The following NMNAT2 variants were observed in gnomAD, a reference collection of about 807,000 sequenced individuals.
The protein encoded by NMNAT2 is nicotinamide/nicotinic acid mononucleotide adenylyltransferase 2.
In NMNAT2, 11 loss-of-function variants were observed where a neutral mutation model predicts 41.6. The ratio of observed to expected loss-of-function variants is 0.26; its 90% CI spans 0.17 to 0.44. NMNAT2 has a LOEUF of 0.44. Among genes scored for constraint, NMNAT2 ranks in the 20% least tolerant of loss-of-function variants. The probability of loss-of-function intolerance (pLI) is 1.00; values close to 1 mark genes in which losing one functional copy is unlikely to be tolerated. For synonymous variants in NMNAT2, 148 were observed against 151.2 expected (o/e 0.98, Z 0.16); for missense variants, 288 against 407.7 (o/e 0.71, Z 2.53).
At position 183,341,725 on chromosome 1, in the gene NMNAT2, C is replaced by CAAAA. The variant is rs762935303; in HGVS notation, c.86-47936_86-47933dup. ...GAGGAAAAGACAAACAAACAAACAC[C>CAAAA]AAAAAAAAAAAAAAAAAAAAAACCT... is the stretch of plus-strand genomic sequence containing the variant. On this transcript the variant is annotated intron_variant, in intron 1 of 10. Transcript: ENST00000287713. Among the ~76,000 whole-genome samples the CAAAA allele has an allele frequency of 1.5e-3, 33 of 22,204 alleles. 5 individuals carry two copies. The highest frequency in any genetic ancestry group is 5.6e-3 in the South Asian group (2 of 360). 14.6% of individuals were successfully genotyped at this position (22,204 alleles called of 152,430 possible).
intron 1 of NMNAT2, among the ~76,000 whole-genome samples, chr1:183,399,885 A>G (rs1221938559): frequency 6.6e-6 from 1 of 152,192 alleles, no homozygotes; most frequent in East Asian, 1.9e-4. Context: ...AAAACTCTCA[A>G]TAAACTAGGT....
chr1:183,310,601 G>A (rs1485734949), intron 1 of NMNAT2, among the ~76,000 whole-genome samples: 2 of 152,206 alleles, frequency 1.3e-5, no homozygotes, highest in African/African-American at 4.8e-5. Flanking sequence ...AATGTCTAGA[G>A]ACATTTTTGG....
At chr1:183,318,023 G>T (rs975753938) in intron 1 of NMNAT2, among the ~76,000 whole-genome samples, 1 of 152,236 alleles carries the variant, frequency 6.6e-6, no homozygotes, top group Non-Finnish European at 1.5e-5. Context: ...ACGTCTGAGT[G>T]TCTATTATGT....
At chr1:183,403,464 A>G (rs1477827450) in intron 1 of NMNAT2, among the ~76,000 whole-genome samples, 2 of 144,922 alleles carry the variant, frequency 1.4e-5, no homozygotes, top group South Asian at 2.4e-4. Flanking sequence ...AAAAAATGGC[A>G]CTAAAACATC....
At chr1:183,311,019 G>A (rs1007088798) in intron 1 of NMNAT2, among the ~76,000 whole-genome samples, 2 of 152,180 alleles carry the variant, frequency 1.3e-5, no homozygotes, top group African/African-American at 4.8e-5. Flanking sequence ...TTAGTCCTAA[G>A]GTTCCCGCTC....
intron 8 of NMNAT2, among the ~76,000 whole-genome samples, chr1:183,273,482 C>T (rs1405950787): frequency 1.3e-5 from 2 of 152,188 alleles, no homozygotes; most frequent in Non-Finnish European, 2.9e-5. Context: ...TATCTCGCTT[C>T]CAGGAGTCTC....
chr1:183,271,997 C>A (rs1190933129), intron 8 of NMNAT2, among the ~76,000 whole-genome samples: 1 of 152,200 alleles, frequency 6.6e-6, no homozygotes, highest in Non-Finnish European at 1.5e-5. Flanking sequence ...AGGTGATCCA[C>A]CTGCCTCAGC....
chr1:183,272,876 C>T (rs1661021476), intron 8 of NMNAT2, among the ~76,000 whole-genome samples: 1 of 152,200 alleles, frequency 6.6e-6, no homozygotes, highest in African/African-American at 2.4e-5. Flanking sequence ...GAGTGCGGGG[C>T]CGGGGCCTAG....
intron 1 of NMNAT2, among the ~76,000 whole-genome samples, chr1:183,353,919 G>A (rs1663122216): frequency 6.6e-6 from 1 of 152,034 alleles, no homozygotes; most frequent in Non-Finnish European, 1.5e-5. Context: ...CCCCTACTCT[G>A]GAATTGGCTC....
intron 8 of NMNAT2, among the ~76,000 whole-genome samples, chr1:183,273,272 A>G (rs940892413): frequency 6.6e-6 from 1 of 152,232 alleles, no homozygotes; most frequent in African/African-American, 2.4e-5. Flanking sequence ...TCATTGCTCA[A>G]TTAAACTCTT....
chr1:183,370,704 A>G (rs1252484083), intron 1 of NMNAT2, among the ~76,000 whole-genome samples: 16 of 152,238 alleles, frequency 1.1e-4, no homozygotes, highest in Non-Finnish European at 4.4e-5. Flanking sequence ...ATGAAATAAA[A>G]TCCCCAGAAA....
At chr1:183,323,178 C>T (rs767522927) in intron 1 of NMNAT2, among the ~76,000 whole-genome samples, 2 of 152,120 alleles carry the variant, frequency 1.3e-5, no homozygotes, top group African/African-American at 4.8e-5. Context: ...GTGATCCACC[C>T]GCCTCAGTCT....
chr1:183,418,096 C>T (rs1302814270), intron 1 of NMNAT2, 87 bp downstream of exon 1: 1 of 1,295,072 alleles, frequency 7.7e-7, no homozygotes, highest in Non-Finnish European at 1.1e-6. Flanking sequence ...GGGCACACGC[C>T]TTCCCGTTCG....
chr1:183,288,451 T>C (rs994130159), intron 4 of NMNAT2, among the ~76,000 whole-genome samples: 10 of 152,220 alleles, frequency 6.6e-5, no homozygotes, highest in African/African-American at 2.4e-4. Flanking sequence ...CCTACATTCT[T>C]TGCCAGCTTC....
At chr1:183,339,991 G>A (rs955934792) in intron 1 of NMNAT2, among the ~76,000 whole-genome samples, 11 of 152,214 alleles carry the variant, frequency 7.2e-5, no homozygotes, top group African/African-American at 2.7e-4. Context: ...GTTGCCGTAG[G>A]CCCTTGGCAG....
At chr1:183,400,825 A>G (rs1044112218) in intron 1 of NMNAT2, among the ~76,000 whole-genome samples, 4 of 152,230 alleles carry the variant, frequency 2.6e-5, no homozygotes, top group Non-Finnish European at 4.4e-5. Context: ...AGGATTCCCT[A>G]TTTAATAAAT....
intron 2 of NMNAT2, 53 bp from the exon 3 acceptor site, chr1:183,292,910 C>G: frequency 6.5e-7 from 1 of 1,549,586 alleles, no homozygotes; most frequent in South Asian, 1.1e-5. Flanking sequence ...CCCACAACAT[C>G]CTTGGGATAC....
chr1:183,268,782 C>T (rs1227211554), intron 8 of NMNAT2, among the ~76,000 whole-genome samples: 1 of 152,174 alleles, frequency 6.6e-6, no homozygotes, highest in Non-Finnish European at 1.5e-5. Flanking sequence ...TGTCTCACAC[C>T]TGTAATCCCA....
At chr1:183,316,032 C>A (rs781064147) in intron 1 of NMNAT2, among the ~76,000 whole-genome samples, 1 of 152,018 alleles carries the variant, frequency 6.6e-6, no homozygotes, top group Non-Finnish European at 1.5e-5. Flanking sequence ...AATCAAACAC[C>A]CACCTTGGGA....
Sources: gnomAD v4.1 joint callset for allele counts (sites outside exome capture counted in the v4.1 genomes callset) on GRCh38, gnomAD v4.1.1 for gene constraint, MANE v1.5 for transcripts, NCBI Gene and HGNC (gene_info 2026-07-23, HGNC 2026-07-21) for gene names.